The following MIA2 variants were observed in gnomAD, a reference collection of about 807,000 sequenced individuals.
The protein encoded by MIA2 is melanoma inhibitory activity protein 2.
MIA2 carries 127 observed loss-of-function variants against 167.8 expected under a neutral mutation model. The ratio of observed to expected loss-of-function variants is 0.76; its 90% confidence interval spans 0.66 to 0.88. MIA2 has a LOEUF of 0.88. Ranked by LOEUF, MIA2 falls within the 40% of genes least tolerant of loss-of-function variation. The probability of loss-of-function intolerance (pLI) is 0.00; values close to 1 mark genes in which losing one functional copy is unlikely to be tolerated. For synonymous variants in MIA2, 552 were observed against 541.9 expected, an observed-to-expected ratio of 1.02 and a Z score of -0.26; for missense variants, 1,690 against 1,624.7, an observed-to-expected ratio of 1.04 and a Z score of -0.69.
intron 23 of MIA2, among the ~76,000 whole-genome samples, chr14:39,382,881 C>T (rs866693751): frequency 2.2e-5 from 3 of 139,272 alleles, no homozygotes; most frequent in African/African-American, 8.1e-5. Context: ...TAATTAGGTA[C>T]AATAACAAGA....
At chr14:39,299,753 T>G (rs2062094587) in intron 13 of MIA2, 111 bp from the exon 14 acceptor site, 1 of 1,155,740 alleles carries the variant, frequency 8.7e-7, no homozygotes, top group Non-Finnish European at 1.2e-6. Context: ...GAAAGTTCTT[T>G]GAAAATAGGA....
In MIA2 at chr14:39,277,084, A is replaced by G. The variant is rs1341762172; in HGVS notation, c.2019+19A>G. 6.3e-7 allele frequency: 1 copy of G among 1,597,986 alleles called. No homozygotes were observed. The highest frequency in any genetic ancestry group is 8.5e-7 in the Non-Finnish European group (1 of 1,173,792). On this transcript the variant is annotated intron_variant, in intron 7 of 28. Transcript: ENST00000640607. ...TAGATCGGTAAGTAACCAGTGCTAT[A>G]CTAAGAGAATGTTCATTTTGTCACT...
intron 18 of MIA2, among the ~76,000 whole-genome samples, chr14:39,309,815 G>A (rs1212079341): frequency 3.3e-5 from 5 of 152,146 alleles, no homozygotes; most frequent in Non-Finnish European, 7.3e-5. Context: ...GTACAAATAT[G>A]TTCAGTGCCT....
intron 6 of MIA2, among the ~76,000 whole-genome samples, chr14:39,257,970 C>A (rs1314018773): frequency 6.6e-6 from 1 of 152,216 alleles, no homozygotes; most frequent in African/African-American, 2.4e-5. Flanking sequence ...GTCTGATGGG[C>A]TTCCCTTTGT....
chr14:39,319,172 G>T, intron 22 of MIA2, 37 bp from the exon 23 acceptor site: 1 of 1,240,694 alleles, frequency 8.1e-7, no homozygotes, highest in South Asian at 1.6e-5. Flanking sequence ...GCTTCTCTTG[G>T]ATGAGTAACT....
chr14:39,366,358 G>T (rs566908468), intron 23 of MIA2, among the ~76,000 whole-genome samples: 1 of 152,170 alleles, frequency 6.6e-6, no homozygotes, highest in East Asian at 1.9e-4. Context: ...GGCCAGGCGG[G>T]TGGGTTGTTG....
intron 23 of MIA2, among the ~76,000 whole-genome samples, chr14:39,364,990 T>G (rs10144377): frequency 0.073 from 11,189 of 152,242 alleles, 510 homozygotes; most frequent in South Asian, 0.17. Flanking sequence ...TGTTTAAGTC[T>G]CTTGTTATAT....
At chr14:39,306,495 C>T (rs2063361780) in intron 17 of MIA2, among the ~76,000 whole-genome samples, 1 of 152,082 alleles carries the variant, frequency 6.6e-6, no homozygotes, top group Admixed American at 6.6e-5. Context: ...TAGGGGGAGA[C>T]AGCGCTAGGA....
At chr14:39,314,567 A>G (rs1262549770) in intron 19 of MIA2, among the ~76,000 whole-genome samples, 172 bp from the exon 20 acceptor site, 1 of 150,620 alleles carries the variant, frequency 6.6e-6, no homozygotes, top group Non-Finnish European at 1.5e-5. Flanking sequence ...AATATACTGT[A>G]GAACCTGTCA....
chr14:39,386,381 C>G (rs553660369), intron 23 of MIA2: 1 of 1,548,926 alleles, frequency 6.5e-7, no homozygotes, highest in East Asian at 2.3e-5. Context: ...CTCTTTTGAG[C>G]AAACGCTTAC....
At chr14:39,294,805 C>CT (rs2061198309) in intron 12 of MIA2, 120 bp from the exon 13 acceptor site, 1 of 707,064 alleles carries the variant, frequency 1.4e-6, no homozygotes, top group South Asian at 1.7e-5. Flanking sequence ...CATGCTGCCT[C>CT]TGCTGTTAAT....
intron 9 of MIA2, among the ~76,000 whole-genome samples, chr14:39,289,328 C>A (rs1451563243): frequency 6.6e-6 from 1 of 151,996 alleles, no homozygotes; most frequent in Non-Finnish European, 1.5e-5. Context: ...GATTCTTGTG[C>A]CTCAGCCTCT....
chr14:39,369,095 A>G (rs891506523), intron 23 of MIA2, among the ~76,000 whole-genome samples: 3 of 152,198 alleles, frequency 2.0e-5, no homozygotes, highest in Admixed American at 6.5e-5. Flanking sequence ...TAAATGTAAG[A>G]TGGACTGTTT....
In MIA2 at chr14:39,326,938, A is replaced by G; in HGVS notation, c.3571A>G (p.Thr1191Ala). 1 of 1,598,156 alleles carries G rather than the reference A, an allele frequency of 6.3e-7. No individual in the cohort carries two copies. The highest frequency in any genetic ancestry group is 8.5e-7 in the Non-Finnish European group (1 of 1,173,212). ...AGGAGAATCAAGCTGTGATAGGTTA[A>G]CCGATCCTCATAGGGCTCCCTCTGA... Reference protein sequence around the residue: ...ERGESSCDRLTDPHRAPSDTG... With the variant: ...ERGESSCDRLADPHRAPSDTG... The change falls in exon 25 of 29, where the codon ACC (threonine) becomes GCC (alanine). Residue 1191 changes from threonine to alanine, a missense_variant. Transcript: ENST00000640607.
intron 23 of MIA2, among the ~76,000 whole-genome samples, chr14:39,379,011 C>G (rs1277257746): frequency 2.6e-5 from 4 of 152,192 alleles, no homozygotes; most frequent in African/African-American, 9.7e-5. Context: ...CTTAATTCCT[C>G]AAACAATACG....
chr14:39,322,600 C>T (rs916263703), intron 24 of MIA2, among the ~76,000 whole-genome samples: 8 of 142,308 alleles, frequency 5.6e-5, no homozygotes, highest in Non-Finnish European at 8.0e-5. Context: ...GCTGTTACCC[C>T]CTTATAGGTA....
At chr14:39,273,125 A>G (rs937529549) in intron 6 of MIA2, among the ~76,000 whole-genome samples, 2 of 151,414 alleles carry the variant, frequency 1.3e-5, no homozygotes, top group Non-Finnish European at 2.9e-5. Context: ...TCCAGTCTGG[A>G]TGCCTTTTAT....
intron 4 of MIA2, among the ~76,000 whole-genome samples, chr14:39,250,229 G>C (rs1255974881): frequency 6.6e-6 from 1 of 152,150 alleles, no homozygotes; most frequent in African/African-American, 2.4e-5. Flanking sequence ...CACAATCATA[G>C]AAACTCAAGG....
intron 25 of MIA2, among the ~76,000 whole-genome samples, chr14:39,331,497 TATG>T (rs1435173256): frequency 6.6e-6 from 1 of 152,210 alleles, no homozygotes; most frequent in Non-Finnish European, 1.5e-5. Context: ...ATCCTGTTAT[TATG>T]ATGCTAGCTG....
Sources: gnomAD v4.1 joint callset for allele counts (sites outside exome capture counted in the v4.1 genomes callset) on GRCh38, gnomAD v4.1.1 for gene constraint, MANE v1.5 for transcripts, NCBI Gene and HGNC (gene_info 2026-07-23, HGNC 2026-07-21) for gene names.